The following KCTD16 variants were observed in gnomAD, a reference collection of about 807,000 sequenced individuals.
KCTD16 encodes the protein potassium channel tetramerization domain containing 16, also known as BTB/POZ domain-containing protein KCTD16.
A neutral mutation model predicts 33.2 loss-of-function variants in KCTD16; 13 were observed. The observed-to-expected ratio is 0.39, with a 90% confidence interval of 0.25 to 0.62. The LOEUF (loss-of-function observed/expected upper bound fraction) is 0.62, where lower values mean the gene tolerates loss of function less well. Among genes scored for constraint, KCTD16 ranks in the 20% least tolerant of loss-of-function variants. The pLI is 0.50. For synonymous variants in KCTD16, 197 were observed against 195.3 expected, an observed-to-expected ratio of 1.01 and a Z score of -0.07; for missense variants, 441 against 525.1, an observed-to-expected ratio of 0.84 and a Z score of 1.57.
In KCTD16 at chr5:144,202,765, T is replaced by C. The variant is rs149084632; in HGVS notation, c.-326-3624T>C. On this transcript the variant is annotated intron_variant, in intron 2 of 3. Coordinates refer to ENST00000512467, the MANE Select transcript of KCTD16 (RefSeq NM_020768.4). Reference sequence around the variant, plus strand: ...ATTGTGCAAAACAGGATATTTACAGTGTTTATGAAAAATACCAATTCAAAA... The same window carrying C: ...ATTGTGCAAAACAGGATATTTACAGCGTTTATGAAAAATACCAATTCAAAA... Among the ~76,000 whole-genome samples the C allele has an allele frequency of 3.9e-3, 596 of 152,328 alleles. 5 individuals carry two copies. Among genetic ancestry groups the C allele is most frequent in the African/African-American group, 0.013 (542 of 41,560 alleles).
At chr5:144,252,585 G>T (rs1654710598) in intron 3 of KCTD16, among the ~76,000 whole-genome samples, 1 of 151,686 alleles carries the variant, frequency 6.6e-6, no homozygotes, top group Admixed American at 6.6e-5. Flanking sequence ...GTGACAATTG[G>T]CATCTGCAGT....
At chr5:144,281,076 G>A (rs920829136) in intron 3 of KCTD16, among the ~76,000 whole-genome samples, 9 of 149,674 alleles carry the variant, frequency 6.0e-5, no homozygotes, top group Admixed American at 4.0e-4. Context: ...CAGCTACTCG[G>A]GAGGCTGAAG....
chr5:144,245,238 G>T (rs1460676959), intron 3 of KCTD16, among the ~76,000 whole-genome samples: 2 of 152,052 alleles, frequency 1.3e-5, no homozygotes, highest in Non-Finnish European at 2.9e-5. Context: ...ATTAATCAAA[G>T]AATCAAACTA....
chr5:144,171,266 G>A (rs544679554), intron 1 of KCTD16, among the ~76,000 whole-genome samples: 99 of 152,252 alleles, frequency 6.5e-4, no homozygotes, highest in Middle Eastern at 3.4e-3. Context: ...CTGGGAAGAA[G>A]AGTCTGTAAA....
intron 3 of KCTD16, among the ~76,000 whole-genome samples, chr5:144,393,980 T>G (rs1456095264): frequency 1.4e-5 from 2 of 146,278 alleles, no homozygotes; most frequent in Admixed American, 1.4e-4. Flanking sequence ...TTTTTTTTTT[T>G]GTTTAAACTT....
chr5:144,260,181 A>G (rs1207661928), intron 3 of KCTD16, among the ~76,000 whole-genome samples: 2 of 152,214 alleles, frequency 1.3e-5, no homozygotes, highest in East Asian at 3.9e-4. Context: ...CTGAGAAGTA[A>G]GACTGTTTGT....
At chr5:144,260,485 T>C (rs1235848065) in intron 3 of KCTD16, among the ~76,000 whole-genome samples, 1 of 152,200 alleles carries the variant, frequency 6.6e-6, no homozygotes, top group Non-Finnish European at 1.5e-5. Context: ...GACAAGTGTC[T>C]TGTCTAGATC....
Position 144,476,634 on chromosome 5 carries a change from CATTT to C in KCTD16, c.*2525_*2528del, listed in dbSNP as rs1177246600. ...TCAAGTAACTAAGACAACAGCATGG[CATTT>C]ATTTGTGTGAGTGTTTATATAGAAA... On this transcript the variant is annotated 3_prime_UTR_variant, in exon 4 of 4. Transcript: ENST00000512467. 2 of 152,084 alleles carry C rather than the reference CATTT, an allele frequency of 1.3e-5. No individual in the cohort carries two copies. Among genetic ancestry groups the C allele is most frequent in the African/African-American group, 4.8e-5 (2 of 41,390 alleles). The allele number at this position is 152,084 out of a possible 1,614,324, so 9.4% of individuals were successfully genotyped here.
chr5:144,422,258 GCTTT>G (rs1204055144), intron 3 of KCTD16, among the ~76,000 whole-genome samples: 5 of 152,266 alleles, frequency 3.3e-5, no homozygotes, highest in South Asian at 2.1e-4. Flanking sequence ...CAGGGACCAG[GCTTT>G]CTAAGCTGTT....
intron 3 of KCTD16, among the ~76,000 whole-genome samples, chr5:144,452,463 A>G (rs973306239): frequency 1.3e-5 from 2 of 151,968 alleles, no homozygotes; most frequent in African/African-American, 4.8e-5. Flanking sequence ...TTAATATGAG[A>G]GAGAGAGAAG....
At position 144,448,030 on chromosome 5, in the gene KCTD16, G is replaced by A. The variant is rs79784328; in HGVS notation, c.833-25630G>A. Among the ~76,000 whole-genome samples the A allele has an allele frequency of 5.2e-3, 789 of 151,636 alleles. 6 individuals are homozygous for A. Among genetic ancestry groups the A allele is most frequent in the African/African-American group, 0.018 (758 of 41,026 alleles). The stretch of plus-strand genomic sequence containing the variant: ...AGAAGGGCCTTTACAATCTGATCTG[G>A]CTCTTTTCTGCTCCATCTCTCTATT... On this transcript the variant is annotated intron_variant, in intron 3 of 3. Coordinates refer to ENST00000512467, the MANE Select transcript of KCTD16 (RefSeq NM_020768.4).
chr5:144,187,328 T>G (rs183542377), intron 2 of KCTD16, among the ~76,000 whole-genome samples: 1 of 152,318 alleles, frequency 6.6e-6, no homozygotes, highest in African/African-American at 2.4e-5. Flanking sequence ...CTTCATTTTC[T>G]ATTCATTCCT....
At chr5:144,279,958 G>C (rs1438748772) in intron 3 of KCTD16, among the ~76,000 whole-genome samples, 2 of 152,138 alleles carry the variant, frequency 1.3e-5, no homozygotes, top group Admixed American at 6.5e-5. Context: ...GTATTAATAT[G>C]ATGGATAAAT....
chr5:144,403,060 C>T (rs984464671), intron 3 of KCTD16, among the ~76,000 whole-genome samples: 1 of 152,172 alleles, frequency 6.6e-6, no homozygotes, highest in Non-Finnish European at 1.5e-5. Flanking sequence ...GGCTGAAAAG[C>T]CTTTTTCTGT....
Position 144,403,418 on chromosome 5 carries a change from TAGAC to T in KCTD16, c.833-70238_833-70235del, listed in dbSNP as rs765391644. 4.0e-5 allele frequency among the ~76,000 whole-genome samples: 6 copies of T among 151,716 alleles called. No homozygotes were observed. The East Asian group carries it at 7.7e-4, about 20-fold the overall frequency. Reference sequence around the variant, plus strand: ...GAGAGTAATGCCCTGTGAAGACACATAGACAGAAGCGACACACAGAGAGCAGCAT... The same window carrying T: ...GAGAGTAATGCCCTGTGAAGACACATAGAAGCGACACACAGAGAGCAGCAT... On this transcript the variant is annotated intron_variant, in intron 3 of 3. Coordinates refer to ENST00000512467, the MANE Select transcript of KCTD16 (RefSeq NM_020768.4).
chr5:144,389,791 A>C (rs1008588694), intron 3 of KCTD16, among the ~76,000 whole-genome samples: 2 of 152,232 alleles, frequency 1.3e-5, no homozygotes, highest in Non-Finnish European at 2.9e-5. Flanking sequence ...ATGCACAAGC[A>C]TGCTGATAAA....
intron 3 of KCTD16, among the ~76,000 whole-genome samples, chr5:144,291,727 G>A (rs751807859): frequency 1.6e-4 from 24 of 152,086 alleles, no homozygotes; most frequent in Non-Finnish European, 3.4e-4. Context: ...AAAATTCAGC[G>A]CATCTGGGAA....
intron 1 of KCTD16, among the ~76,000 whole-genome samples, chr5:144,172,213 C>T (rs1446186187): frequency 2.0e-5 from 3 of 152,158 alleles, no homozygotes; most frequent in Admixed American, 1.3e-4. Context: ...TAGGATTGTA[C>T]TCTAGAGACC....
intron 3 of KCTD16, among the ~76,000 whole-genome samples, chr5:144,309,366 T>A (rs1187621703): frequency 8.8e-6 from 1 of 113,828 alleles, no homozygotes; most frequent in Admixed American, 8.1e-5. Flanking sequence ...CTCCTCCACA[T>A]TTTTTTTTTT....
Sources: gnomAD v4.1 joint callset for allele counts (sites outside exome capture counted in the v4.1 genomes callset) on GRCh38, gnomAD v4.1.1 for gene constraint, MANE v1.5 for transcripts, NCBI Gene and HGNC (gene_info 2026-07-23, HGNC 2026-07-21) for gene names.